Variants in RCSD1 observed in about 807,000 individuals in gnomAD.
The protein encoded by RCSD1 is RCSD domain containing 1.
RCSD1 carries 26 observed loss-of-function variants against 42.5 expected under a neutral mutation model. The observed-to-expected ratio is 0.61, with a 90% CI of 0.45 to 0.85. The LOEUF (loss-of-function observed/expected upper bound fraction) is 0.85, where lower values mean the gene tolerates loss of function less well. RCSD1 is among the 40% of genes least tolerant of loss of function. The probability of loss-of-function intolerance (pLI) is 0.00; values close to 1 mark genes in which losing one functional copy is unlikely to be tolerated. For missense variants in RCSD1, 571 were observed against 528.3 expected, an observed-to-expected ratio of 1.08 and a Z score of -0.79; for synonymous variants, 220 against 212.2, an observed-to-expected ratio of 1.04 and a Z score of -0.32.
chr1:167,670,213 T>A (rs963495832), intron 1 of RCSD1, among the ~76,000 whole-genome samples: 2 of 152,058 alleles, frequency 1.3e-5, no homozygotes, highest in Non-Finnish European at 2.9e-5. Context: ...AGAGTCAGAG[T>A]AGTGCATAAC....
intron 1 of RCSD1, among the ~76,000 whole-genome samples, chr1:167,662,612 G>A (rs1004466869): frequency 3.9e-5 from 6 of 152,090 alleles, no homozygotes; most frequent in African/African-American, 1.4e-4. Flanking sequence ...TCTCCTTTTC[G>A]AAAGAACGGC....
chr1:167,672,074 T>C (rs1433465652), intron 1 of RCSD1, among the ~76,000 whole-genome samples: 1 of 152,160 alleles, frequency 6.6e-6, no homozygotes, highest in Non-Finnish European at 1.5e-5. Flanking sequence ...TGTCAACTCC[T>C]CCTCCTCCTC....
At chr1:167,672,403 G>C (rs536464624) in intron 1 of RCSD1, among the ~76,000 whole-genome samples, 31 of 152,316 alleles carry the variant, frequency 2.0e-4, no homozygotes, top group Admixed American at 1.6e-3. Context: ...TAGAGTTCTG[G>C]AGGTCAAAAG....
chr1:167,633,856 A>G (rs1657762858), intron 1 of RCSD1: 1 of 152,246 alleles, frequency 6.6e-6, no homozygotes, highest in African/African-American at 2.4e-5. Flanking sequence ...TCAGGATACA[A>G]TAAGAATGGA....
intron 3 of RCSD1, among the ~76,000 whole-genome samples, chr1:167,689,043 A>G (rs1219703394): frequency 6.6e-6 from 1 of 152,218 alleles, no homozygotes; most frequent in Non-Finnish European, 1.5e-5. Context: ...TCACAAAAAT[A>G]TCTACAACTA....
At position 167,697,663 on chromosome 1, in the gene RCSD1, G is replaced by A. The variant is rs1189006114; in HGVS notation, c.1039G>A (p.Glu347Lys). Reference sequence around the variant, plus strand: ...GCTGGAGGAGGGAGCTGCAGTGAAGGAGACCCCCCACAGTCCCCCTGGAGG... The same window carrying A: ...GCTGGAGGAGGGAGCTGCAGTGAAGAAGACCCCCCACAGTCCCCCTGGAGG... ...KKLEEGAAVK[E>K]TPHSPPGGVK... Residue 347 changes from glutamate to lysine, a missense_variant, in exon 6 of 7, where the codon GAG becomes AAG. Glu to Lys is a moderately conservative substitution (Grantham distance 56). Coordinates refer to ENST00000367854, the MANE Select transcript of RCSD1 (RefSeq NM_052862.4). 1.2e-6 allele frequency: 2 copies of A among 1,605,652 alleles called. No individual in the cohort carries two copies.
intron 1 of RCSD1, among the ~76,000 whole-genome samples, chr1:167,676,995 G>A (rs886290093): frequency 6.6e-6 from 1 of 152,234 alleles, no homozygotes; most frequent in Non-Finnish European, 1.5e-5. Context: ...CTCCCTGGGA[G>A]CCAGTTGCAG....
chr1:167,630,612 C>G, intron 1 of RCSD1, 183 bp downstream of exon 1: 1 of 497,264 alleles, frequency 2.0e-6, no homozygotes, highest in Non-Finnish European at 3.2e-6. Context: ...GTCCCTGGTC[C>G]CACCTAGGAC....
intron 1 of RCSD1, among the ~76,000 whole-genome samples, chr1:167,680,122 G>A (rs1200935031): frequency 1.3e-5 from 2 of 152,118 alleles, no homozygotes; most frequent in Non-Finnish European, 2.9e-5. Flanking sequence ...AGCAAGACCT[G>A]GGCCCAGGAA....
At position 167,705,698 on chromosome 1, in the gene RCSD1, C is replaced by A. The variant is rs1316511397; in HGVS notation, c.*1002C>A. Reference sequence around the variant, plus strand: ...TCCCTGGGAAGCTTTTCTTGACTCACAGCCCAGGTTCTTCTGCCCAACACA... The same window carrying A: ...TCCCTGGGAAGCTTTTCTTGACTCAAAGCCCAGGTTCTTCTGCCCAACACA... On this transcript the variant is annotated 3_prime_UTR_variant, in exon 7 of 7. Coordinates refer to ENST00000367854, the MANE Select transcript of RCSD1 (RefSeq NM_052862.4). 6.6e-6 allele frequency: 1 copy of A among 152,208 alleles called. No homozygotes were observed. Among genetic ancestry groups the A allele is most frequent in the African/African-American group, 2.4e-5 (1 of 41,448 alleles). 9.4% of individuals were successfully genotyped at this position (152,208 alleles called of 1,614,324 possible). A position where few individuals can be genotyped will look rare whatever the true frequency, so the allele number is the denominator to read the frequency against.
intron 5 of RCSD1, 46 bp from the exon 6 acceptor site, chr1:167,697,053 T>C: frequency 6.4e-7 from 1 of 1,553,448 alleles, no homozygotes; most frequent in Non-Finnish European, 8.7e-7. Context: ...CCTCTTGGCC[T>C]TTTTTTATGA....
At chr1:167,635,250 G>A (rs767865192) in intron 1 of RCSD1, among the ~76,000 whole-genome samples, 6 of 152,006 alleles carry the variant, frequency 3.9e-5, no homozygotes, top group Non-Finnish European at 8.8e-5. Context: ...ATTAGGAATT[G>A]CACAGCCTCT....
chr1:167,645,958 T>C (rs1658128547), intron 1 of RCSD1, among the ~76,000 whole-genome samples: 1 of 151,976 alleles, frequency 6.6e-6, no homozygotes, highest in Admixed American at 6.6e-5. Flanking sequence ...TTAATTAATC[T>C]AGAAGCCGAA....
At chr1:167,677,894 G>A (rs1658989305) in intron 1 of RCSD1, among the ~76,000 whole-genome samples, 1 of 152,240 alleles carries the variant, frequency 6.6e-6, no homozygotes, top group Non-Finnish European at 1.5e-5. Context: ...AGGGGGGTAT[G>A]TCGCTTTTTA....
At chr1:167,688,508 CA>C (rs1352968643) in intron 3 of RCSD1, among the ~76,000 whole-genome samples, 2 of 152,224 alleles carry the variant, frequency 1.3e-5, no homozygotes, top group South Asian at 2.1e-4. Context: ...GAGGCAGAGG[CA>C]GCAGGAGTCC....
Position 167,697,232 on chromosome 1 carries a change from G to C in RCSD1, c.608G>C (p.Gly203Ala). The change falls in exon 6 of 7, where the codon GGG (glycine) becomes GCG (alanine). Residue 203 changes from glycine (G) to alanine (A), a missense_variant. Gly to Ala is a moderately conservative substitution (Grantham distance 60). Transcript: ENST00000367854. ...SQQNGAKEED[G>A]DEVLPSKSKA... ...CAGAACGGTGCTAAGGAAGAGGATG[G>C]GGATGAAGTGTTGCCATCCAAGAGC... 1 of 1,614,152 alleles carries C rather than the reference G, an allele frequency of 6.2e-7. No homozygotes were observed. The highest frequency in any genetic ancestry group is 8.5e-7 in the Non-Finnish European group (1 of 1,180,034).
intron 1 of RCSD1, among the ~76,000 whole-genome samples, chr1:167,674,007 A>G (rs1658877863): frequency 6.6e-6 from 1 of 152,174 alleles, no homozygotes; most frequent in Admixed American, 6.5e-5. Flanking sequence ...GCCTGTTTTC[A>G]TTCTGATAGT....
At chr1:167,685,322 AC>A in intron 2 of RCSD1, 98 bp from the exon 3 acceptor site, 1 of 873,878 alleles carries the variant, frequency 1.1e-6, no homozygotes, top group Non-Finnish European at 1.8e-6. Context: ...AAATCCCTAA[AC>A]CTTCCTGAAA....
chr1:167,703,304 C>T (rs1442034581), intron 6 of RCSD1, among the ~76,000 whole-genome samples: 1 of 152,068 alleles, frequency 6.6e-6, no homozygotes, highest in Middle Eastern at 3.2e-3. Context: ...CCCACCGCTC[C>T]TCCTTGACCC....
Sources: allele counts gnomAD v4.1 joint callset (sites outside exome capture counted in the v4.1 genomes callset), GRCh38; gene constraint gnomAD v4.1.1; transcripts MANE v1.5; gene names NCBI Gene and HGNC (gene_info 2026-07-23, HGNC 2026-07-21).